Variants in FAM53A observed in about 807,000 individuals in gnomAD.
FAM53A encodes family with sequence similarity 53 member A.
In FAM53A, 28 loss-of-function variants were observed where a neutral mutation model predicts 26.6. That is an observed-to-expected ratio of 1.05 (90% CI 0.78 to 1.45). The LOEUF (loss-of-function observed/expected upper bound fraction) is 1.45. Among genes scored for constraint, FAM53A ranks in the 40% most tolerant of loss-of-function variants. The pLI is 0.00. For missense variants in FAM53A, 650 were observed against 575.8 expected, an observed-to-expected ratio of 1.13 and a Z score of -1.32; for synonymous variants, 290 against 253.1, an observed-to-expected ratio of 1.15 and a Z score of -1.38.
chr4:1,644,040 G>A (rs1320386653), intron 4 of FAM53A: 9 of 1,050,538 alleles, frequency 8.6e-6, no homozygotes, highest in East Asian at 5.2e-5. Context: ...GCTGGATGGC[G>A]TGGAGGTCCG....
intron 1 of FAM53A, among the ~76,000 whole-genome samples, chr4:1,675,895 G>A (rs1238564381): frequency 6.6e-6 from 1 of 152,212 alleles, no homozygotes; most frequent in Non-Finnish European, 1.5e-5. Context: ...CTCCACGGGG[G>A]CAGCAGGGAC....
In FAM53A at chr4:1,669,395, G is replaced by A. The variant is rs12644902; in HGVS notation, c.-164-490C>T. ...AAGCCTGCCAGGGTCTGCACCTGGCGTGCTGACAGCAAGGGGCCGGCGGAG... is the reference window on the plus strand; with the variant it reads ...AAGCCTGCCAGGGTCTGCACCTGGCATGCTGACAGCAAGGGGCCGGCGGAG... On this transcript the variant is annotated intron_variant, in intron 1 of 4. Transcript: ENST00000308132. Among the ~76,000 whole-genome samples, 13 of 152,356 alleles carry A rather than the reference G, an allele frequency of 8.5e-5. No individual in the cohort carries two copies. In the East Asian group the frequency reaches 2.3e-3, roughly 27 times the overall value.
intron 1 of FAM53A, among the ~76,000 whole-genome samples, chr4:1,681,097 A>G (rs1328948448): frequency 1.3e-5 from 2 of 151,928 alleles, no homozygotes; most frequent in Non-Finnish European, 2.9e-5. Flanking sequence ...AGTGTCTAGC[A>G]ACTCGATTTT....
chr4:1,657,095 C>T (rs1040973575), intron 3 of FAM53A, among the ~76,000 whole-genome samples: 3 of 152,226 alleles, frequency 2.0e-5, no homozygotes, highest in Non-Finnish European at 4.4e-5. Context: ...CTCTTCTTTT[C>T]GTGGCCACAG....
chr4:1,681,691 G>A (rs1295681805), intron 1 of FAM53A, among the ~76,000 whole-genome samples: 2 of 151,570 alleles, frequency 1.3e-5, no homozygotes, highest in African/African-American at 4.9e-5. Context: ...TTGTAGAAAT[G>A]GGGGTCTCAC....
At chr4:1,647,623 T>C (rs4865429) in intron 4 of FAM53A, among the ~76,000 whole-genome samples, 49,705 of 152,166 alleles carry the variant, frequency 0.33, 8,493 homozygotes, top group Middle Eastern at 0.5. Flanking sequence ...GACGCCGGAC[T>C]AGAGCTGGGC....
At chr4:1,632,927 G>A (rs1715672031) in intron 1 of FAM53A, among the ~76,000 whole-genome samples, 2 of 152,230 alleles carry the variant, frequency 1.3e-5, no homozygotes, top group Non-Finnish European at 2.9e-5. Context: ...AGTTATGCCT[G>A]TAGGCACATA....
intron 1 of FAM53A, among the ~76,000 whole-genome samples, chr4:1,678,030 G>A (rs1412555491): frequency 6.6e-6 from 1 of 152,168 alleles, no homozygotes; most frequent in Non-Finnish European, 1.5e-5. Context: ...CAAAGTTGGA[G>A]GACTGACACT....
At chr4:1,612,121 A>G in the FAM53A span, among the ~76,000 whole-genome samples, 1 of 152,218 alleles carries the variant, frequency 6.6e-6, no homozygotes, top group Non-Finnish European at 1.5e-5. Flanking sequence ...CAGACCCATT[A>G]AAGAATGAAT....
At chr4:1,671,009 C>T (rs1376646456) in intron 1 of FAM53A, among the ~76,000 whole-genome samples, 1 of 149,026 alleles carries the variant, frequency 6.7e-6, no homozygotes, top group African/African-American at 2.5e-5. Flanking sequence ...AGCGTCAGAG[C>T]CAACAGCTCA....
intron 1 of FAM53A, among the ~76,000 whole-genome samples, chr4:1,675,664 G>A (rs1429727763): frequency 6.6e-6 from 1 of 152,146 alleles, no homozygotes; most frequent in African/African-American, 2.4e-5. Context: ...GACCGCAGCA[G>A]CCTACACTCA....
At chr4:1,665,991 C>T (rs1290404717) in intron 2 of FAM53A, among the ~76,000 whole-genome samples, 1 of 107,862 alleles carries the variant, frequency 9.3e-6, no homozygotes, top group Non-Finnish European at 1.8e-5. Flanking sequence ...TGCACCTGCA[C>T]CCCCTGTATC....
At chr4:1,586,081 C>G in the FAM53A span, among the ~76,000 whole-genome samples, 1 of 152,190 alleles carries the variant, frequency 6.6e-6, no homozygotes, top group South Asian at 2.1e-4. Context: ...TGTATATAGA[C>G]CACATTTCCT....
the FAM53A span, among the ~76,000 whole-genome samples, chr4:1,579,280 G>A: frequency 6.7e-6 from 1 of 150,224 alleles, no homozygotes; most frequent in Non-Finnish European, 1.5e-5. Flanking sequence ...CGCCTGCTGG[G>A]CGCCCCCTGG....
chr4:1,620,445 C>T (rs982642589), intron 1 of FAM53A, among the ~76,000 whole-genome samples: 1 of 151,894 alleles, frequency 6.6e-6, no homozygotes, highest in Non-Finnish European at 1.5e-5. Context: ...GTTCCTGCCA[C>T]AGTCAGGAAT....
the FAM53A span, among the ~76,000 whole-genome samples, chr4:1,593,043 G>A: frequency 1.4e-4 from 21 of 152,182 alleles, no homozygotes; most frequent in African/African-American, 4.1e-4. Context: ...GCCCAGGGCC[G>A]AGGGCCCATG....
rs181905769 is a variant in FAM53A, at chr4:1,678,550, G to A, written c.-165+5683C>T. Among the ~76,000 whole-genome samples the A allele has an allele frequency of 9.3e-4, 141 of 152,308 alleles. 1 individual carries two copies. The highest frequency in any genetic ancestry group is 3.1e-3 in the African/African-American group (128 of 41,564). ...GAAAAAAAGACATGAGGCCGGGTGCGGTGGCCCACGCCTGTAATCCTAGCA... is the reference window on the plus strand; with the variant it reads ...GAAAAAAAGACATGAGGCCGGGTGCAGTGGCCCACGCCTGTAATCCTAGCA... On this transcript the variant is annotated intron_variant, in intron 1 of 4. Transcript: ENST00000308132.
At chr4:1,622,055 C>T (rs1577081733) in intron 1 of FAM53A, among the ~76,000 whole-genome samples, 3 of 152,180 alleles carry the variant, frequency 2.0e-5, no homozygotes, top group Non-Finnish European at 2.9e-5. Flanking sequence ...TTCCCCTCTG[C>T]CCTCTGCCAC....
chr4:1,621,122 T>TTTTTTTTTTTTG (rs1715013261), intron 1 of FAM53A, among the ~76,000 whole-genome samples: 1 of 142,256 alleles, frequency 7.0e-6, no homozygotes, highest in African/African-American at 2.9e-5. Flanking sequence ...TTTTTTTTTT[T>TTTTTTTTTTTTG]GAGATGGAGT....
Sources: gnomAD v4.1 joint callset for allele counts (sites outside exome capture counted in the v4.1 genomes callset) on GRCh38, gnomAD v4.1.1 for gene constraint, MANE v1.5 for transcripts, NCBI Gene and HGNC (gene_info 2026-07-23, HGNC 2026-07-21) for gene names.